Variants in MACROD2 observed in about 807,000 individuals in gnomAD.
MACROD2 encodes ADP-ribose glycohydrolase MACROD2.
In MACROD2, 36 loss-of-function variants were observed where a neutral mutation model predicts 70.4. The observed-to-expected ratio is 0.51, with a 90% confidence interval of 0.39 to 0.68. The LOEUF (loss-of-function observed/expected upper bound fraction) is 0.68, where lower values mean the gene tolerates loss of function less well. Ranked by LOEUF, MACROD2 falls within the 30% of genes least tolerant of loss-of-function variation. MACROD2 has a pLI of 0.00. For missense variants in MACROD2, 496 were observed against 538.4 expected, an observed-to-expected ratio of 0.92 and a Z score of 0.78; for synonymous variants, 172 against 178.8, an observed-to-expected ratio of 0.96 and a Z score of 0.30.
chr20:14,293,569 G>A (rs2082403122), intron 3 of MACROD2, among the ~76,000 whole-genome samples: 1 of 151,814 alleles, frequency 6.6e-6, no homozygotes, highest in Non-Finnish European at 1.5e-5. Flanking sequence ...TGCTAGATGT[G>A]CGGGCTGGGG....
At chr20:14,937,774 G>C (rs573562766) in intron 5 of MACROD2, among the ~76,000 whole-genome samples, 31 of 152,036 alleles carry the variant, frequency 2.0e-4, no homozygotes, top group African/African-American at 7.2e-4. Flanking sequence ...GAAACACAAG[G>C]TCTTATTTCT....
intron 8 of MACROD2, among the ~76,000 whole-genome samples, chr20:15,759,166 A>AAAAG (rs1568544808): frequency 2.7e-5 from 4 of 150,788 alleles, no homozygotes; most frequent in Admixed American, 2.7e-4. Context: ...AAAAAAAAAA[A>AAAAG]CAGAAATGGA....
chr20:14,909,811 T>A (rs2074004584), intron 5 of MACROD2, among the ~76,000 whole-genome samples: 1 of 152,208 alleles, frequency 6.6e-6, no homozygotes, highest in African/African-American at 2.4e-5. Context: ...CTATTTTTTT[T>A]TCCTTCCTCT....
chr20:15,111,174 TTTG>T (rs1280815356), intron 5 of MACROD2, among the ~76,000 whole-genome samples: 6 of 60,844 alleles, frequency 9.9e-5, no homozygotes, highest in African/African-American at 4.6e-4. Context: ...TTTGTTTTTG[TTTG>T]TTTTTTTTTT....
intron 5 of MACROD2, among the ~76,000 whole-genome samples, chr20:14,900,563 A>T (rs6042983): frequency 0.77 from 108,667 of 141,274 alleles, 39,187 homozygotes; most frequent in Middle Eastern, 0.85. Context: ...GATTTTTTTT[A>T]AATTTCTTCT....
chr20:14,180,584 T>A (rs535266854), intron 3 of MACROD2, among the ~76,000 whole-genome samples: 2 of 152,278 alleles, frequency 1.3e-5, no homozygotes, highest in South Asian at 4.1e-4. Context: ...ATTTAGATTA[T>A]CTTTCTTTTC....
At chr20:14,840,399 C>T (rs866299951) in intron 5 of MACROD2, among the ~76,000 whole-genome samples, 1 of 151,752 alleles carries the variant, frequency 6.6e-6, no homozygotes, top group African/African-American at 2.4e-5. Flanking sequence ...AAATAATTTT[C>T]TGCTGTTCTT....
At chr20:14,084,888 C>T (rs1174927802) in intron 2 of MACROD2, among the ~76,000 whole-genome samples, 10 of 151,562 alleles carry the variant, frequency 6.6e-5, no homozygotes, top group South Asian at 2.1e-4. Flanking sequence ...TTTGGGAGGC[C>T]GAGGTGGGCA....
chr20:14,954,724 A>AAATTT (rs1568895128), intron 5 of MACROD2, among the ~76,000 whole-genome samples: 1 of 10,696 alleles, frequency 9.3e-5, no homozygotes, highest in Admixed American at 1.8e-3. Context: ...ATATAAATGT[A>AAATTT]TAAATATATA....
chr20:14,205,327 G>A (rs2081514058), intron 3 of MACROD2, among the ~76,000 whole-genome samples: 1 of 152,186 alleles, frequency 6.6e-6, no homozygotes, highest in Non-Finnish European at 1.5e-5. Context: ...GGAAGAAATA[G>A]GCAAGTGGAC....
intron 5 of MACROD2, among the ~76,000 whole-genome samples, chr20:15,223,453 A>G (rs2076879082): frequency 6.6e-6 from 1 of 152,184 alleles, no homozygotes; most frequent in African/African-American, 2.4e-5. Context: ...CTGCCACATT[A>G]TAAAACAAAA....
intron 3 of MACROD2, among the ~76,000 whole-genome samples, chr20:14,306,606 TA>T (rs2122504436): frequency 6.6e-6 from 1 of 152,156 alleles, no homozygotes; most frequent in Non-Finnish European, 1.5e-5. Flanking sequence ...AATTGATATT[TA>T]GGGGGTCTTC....
intron 3 of MACROD2, among the ~76,000 whole-genome samples, chr20:14,169,724 T>C (rs2081203907): frequency 6.6e-6 from 1 of 152,176 alleles, no homozygotes; most frequent in Non-Finnish European, 1.5e-5. Context: ...CTTTATAATA[T>C]TTTTGTTATT....
At chr20:14,087,174 C>T (rs1457474200) in intron 3 of MACROD2, among the ~76,000 whole-genome samples, 1 of 151,998 alleles carries the variant, frequency 6.6e-6, no homozygotes, top group African/African-American at 2.4e-5. Flanking sequence ...TTGGGTAGAT[C>T]ACTTGAAGGT....
At chr20:15,762,936 A>G (rs2051459482) in intron 8 of MACROD2, among the ~76,000 whole-genome samples, 1 of 152,248 alleles carries the variant, frequency 6.6e-6, no homozygotes, top group Non-Finnish European at 1.5e-5. Context: ...ATGGAGTGGA[A>G]GTCTTGGTGT....
At chr20:14,340,644 G>T (rs2083003789) in intron 3 of MACROD2, among the ~76,000 whole-genome samples, 1 of 152,054 alleles carries the variant, frequency 6.6e-6, no homozygotes, top group Non-Finnish European at 1.5e-5. Flanking sequence ...TTAACACTTA[G>T]TTGGGTTCTA....
At chr20:16,022,293 C>T (rs745722880) in intron 15 of MACROD2, among the ~76,000 whole-genome samples, 4 of 152,048 alleles carry the variant, frequency 2.6e-5, no homozygotes, top group South Asian at 2.1e-4. Context: ...CATTGTGATC[C>T]GCCCACCTCG....
At chr20:15,012,699 C>T (rs1568530279) in intron 5 of MACROD2, among the ~76,000 whole-genome samples, 2 of 152,146 alleles carry the variant, frequency 1.3e-5, no homozygotes, top group African/African-American at 2.4e-5. Flanking sequence ...GAGATAAAAG[C>T]CACCACCTGC....
intron 7 of MACROD2, among the ~76,000 whole-genome samples, chr20:15,473,473 A>ACCCATTT (rs2046984914): frequency 6.6e-6 from 1 of 152,186 alleles, no homozygotes; most frequent in African/African-American, 2.4e-5. Context: ...TGAATGTCTG[A>ACCCATTT]CCCATTTATC....
Sources: allele counts gnomAD v4.1 joint callset (sites outside exome capture counted in the v4.1 genomes callset), GRCh38; gene constraint gnomAD v4.1.1; transcripts MANE v1.5; gene names NCBI Gene and HGNC (gene_info 2026-07-23, HGNC 2026-07-21).